Variants in PLA2G4A observed in about 807,000 individuals in gnomAD.
PLA2G4A encodes phospholipase A2 group IVA.
PLA2G4A carries 40 observed loss-of-function variants against 81.9 expected under a neutral mutation model. The ratio of observed to expected loss-of-function variants is 0.49; its 90% CI spans 0.38 to 0.64. The LOEUF is 0.64. PLA2G4A is among the 30% of genes least tolerant of loss of function. PLA2G4A has a pLI of 0.00. For synonymous variants in PLA2G4A, 302 were observed against 296.9 expected (o/e 1.02, Z -0.18); for missense variants, 715 against 905.1 (o/e 0.79, Z 2.69).
chr1:186,857,154 C>CAT (rs1211840840), intron 2 of PLA2G4A, among the ~76,000 whole-genome samples: 14 of 43,132 alleles, frequency 3.2e-4, no homozygotes, highest in Admixed American at 9.8e-4. Flanking sequence ...TATATAATTA[C>CAT]ATAATATAAT....
chr1:186,983,629 C>G (rs1249043733), intron 17 of PLA2G4A, among the ~76,000 whole-genome samples: 1 of 152,350 alleles, frequency 6.6e-6, no homozygotes, highest in East Asian at 1.9e-4. Flanking sequence ...TGCTCTTACT[C>G]AATTCTCCCA....
rs547356255 is a variant in PLA2G4A at position 186,875,239 on chromosome 1, AAG to A, written c.115+4725_115+4726del. Among the ~76,000 whole-genome samples the A allele has an allele frequency of 1.9e-4, 29 of 152,208 alleles. No individual in the cohort carries two copies. In the South Asian group the frequency reaches 5.8e-3, roughly 30 times the overall value. On this transcript the variant is annotated intron_variant, in intron 3 of 17. Coordinates refer to ENST00000367466, the MANE Select transcript of PLA2G4A (RefSeq NM_024420.3). ...GACTTTAAAAATCCATGATGGAACAAAGATTCTAAGACTTTTGTTTTTTGCTG... is the reference window on the plus strand; with the variant it reads ...GACTTTAAAAATCCATGATGGAACAAATTCTAAGACTTTTGTTTTTTGCTG...
chr1:186,887,028 T>C (rs10911947), intron 3 of PLA2G4A, among the ~76,000 whole-genome samples: 2,609 of 152,256 alleles, frequency 0.017, 67 homozygotes, highest in East Asian at 0.057. Flanking sequence ...AGGTTCTGCA[T>C]TTTTAACGGC....
intron 17 of PLA2G4A, among the ~76,000 whole-genome samples, chr1:186,986,925 A>G (rs1657908513): frequency 6.6e-6 from 1 of 152,236 alleles, no homozygotes; most frequent in Non-Finnish European, 1.5e-5. Flanking sequence ...GAAAAGTGGG[A>G]TCAGCAAATA....
At chr1:186,835,017 G>A (rs894492632) in intron 1 of PLA2G4A, among the ~76,000 whole-genome samples, 6 of 152,080 alleles carry the variant, frequency 3.9e-5, no homozygotes, top group South Asian at 2.1e-4. Context: ...TTAGTTATAC[G>A]CTTGACTTAG....
At chr1:186,841,817 C>T (rs1651990418) in intron 1 of PLA2G4A, among the ~76,000 whole-genome samples, 1 of 152,094 alleles carries the variant, frequency 6.6e-6, no homozygotes, top group Non-Finnish European at 1.5e-5. Context: ...TGGCCAGTTT[C>T]CTGATCCTTA....
intron 5 of PLA2G4A, among the ~76,000 whole-genome samples, chr1:186,897,352 C>G (rs1654368669): frequency 6.6e-6 from 1 of 152,072 alleles, no homozygotes; most frequent in South Asian, 2.1e-4. Context: ...ATTCATAGCT[C>G]TCCAGAATGT....
chr1:186,918,103 T>A (rs370709140), intron 7 of PLA2G4A, among the ~76,000 whole-genome samples: 1 of 152,168 alleles, frequency 6.6e-6, no homozygotes, highest in South Asian at 2.1e-4. Context: ...GTGGAAGAAG[T>A]CTTTTTCTTC....
At chr1:186,836,187 C>A (rs1651769438) in intron 1 of PLA2G4A, among the ~76,000 whole-genome samples, 1 of 150,974 alleles carries the variant, frequency 6.6e-6, no homozygotes, top group Admixed American at 6.6e-5. Flanking sequence ...TGAATTAATA[C>A]CCCAGTATTA....
At chr1:186,890,277 T>A (rs557425294) in intron 3 of PLA2G4A, among the ~76,000 whole-genome samples, 1 of 152,196 alleles carries the variant, frequency 6.6e-6, no homozygotes, top group South Asian at 2.1e-4. Flanking sequence ...GAAGACAAGA[T>A]CTTTGCCCTC....
chr1:186,923,137 G>A (rs1169668288), intron 7 of PLA2G4A, among the ~76,000 whole-genome samples: 1 of 152,032 alleles, frequency 6.6e-6, no homozygotes, highest in African/African-American at 2.4e-5. Context: ...TCCCTTACTG[G>A]GATTACAAGC....
intron 12 of PLA2G4A, among the ~76,000 whole-genome samples, chr1:186,950,039 A>C (rs1656501413): frequency 6.6e-6 from 1 of 152,094 alleles, no homozygotes; most frequent in South Asian, 2.1e-4. Flanking sequence ...ATAAAGAAGA[A>C]AGATAACTAG....
intron 2 of PLA2G4A, among the ~76,000 whole-genome samples, chr1:186,862,207 C>G (rs773768573): frequency 1.8e-5 from 2 of 109,544 alleles, no homozygotes; most frequent in African/African-American, 7.1e-5. Context: ...TTATGTCTGT[C>G]TCTTTTAGTT....
chr1:186,897,863 G>GT (rs1654391857), intron 5 of PLA2G4A, among the ~76,000 whole-genome samples: 2 of 152,064 alleles, frequency 1.3e-5, no homozygotes, highest in Admixed American at 1.3e-4. Flanking sequence ...TGTTATATGG[G>GT]TATGTTGCAT....
At chr1:186,949,871 A>T (rs1035674295) in intron 12 of PLA2G4A, among the ~76,000 whole-genome samples, 12 of 150,950 alleles carry the variant, frequency 7.9e-5, no homozygotes, top group Admixed American at 7.3e-4. Flanking sequence ...AAAAAAAAAA[A>T]AAAAAATTAA....
chr1:186,929,251 G>A (rs1458630148), intron 7 of PLA2G4A, among the ~76,000 whole-genome samples: 1 of 152,140 alleles, frequency 6.6e-6, no homozygotes, highest in Non-Finnish European at 1.5e-5. Flanking sequence ...TCTATCTATG[G>A]ACAAGGTATT....
chr1:186,842,621 T>C (rs933072608), intron 1 of PLA2G4A, among the ~76,000 whole-genome samples: 4 of 152,132 alleles, frequency 2.6e-5, no homozygotes, highest in African/African-American at 2.4e-5. Flanking sequence ...CTAGTGTCCT[T>C]AAAAGAAGAG....
At chr1:186,987,773 A>G (rs1045885974) in intron 17 of PLA2G4A, among the ~76,000 whole-genome samples, 7 of 152,210 alleles carry the variant, frequency 4.6e-5, no homozygotes, top group African/African-American at 1.4e-4. Context: ...TACCATTAAC[A>G]TGGGTATATG....
chr1:186,882,667 G>C (rs1032233755), intron 3 of PLA2G4A, among the ~76,000 whole-genome samples: 22 of 152,208 alleles, frequency 1.4e-4, no homozygotes, highest in African/African-American at 4.8e-4. Context: ...TGACTTGGTA[G>C]GCAGTGAAGG....
Sources: gnomAD v4.1 joint callset for allele counts (sites outside exome capture counted in the v4.1 genomes callset) on GRCh38, gnomAD v4.1.1 for gene constraint, MANE v1.5 for transcripts, NCBI Gene and HGNC (gene_info 2026-07-23, HGNC 2026-07-21) for gene names.